TSC22D3: variants seen among roughly 807,000 people sequenced by gnomAD.
The protein encoded by TSC22D3 is TSC22 domain family member 3.
In TSC22D3, 4 loss-of-function variants were observed where a neutral mutation model predicts 11.1. That is an observed-to-expected ratio of 0.36 (90% confidence interval 0.18 to 0.83). TSC22D3 has a LOEUF of 0.83. Among genes scored for constraint, TSC22D3 ranks in the 40% least tolerant of loss-of-function variants. The pLI is 0.48. For synonymous variants in TSC22D3, 77 were observed against 70.3 expected, an observed-to-expected ratio of 1.10 and a Z score of -0.48; for missense variants, 118 against 159.4, an observed-to-expected ratio of 0.74 and a Z score of 1.40.
intron 1 of TSC22D3, among the ~76,000 whole-genome samples, chrX:107,748,754 C>T (rs956531942): frequency 8.9e-6 from 1 of 112,261 alleles, no homozygotes; most frequent in Non-Finnish European, 1.9e-5. Context: ...GCGGCCTTCA[C>T]AGGCTTTCCA....
chrX:107,760,962 CT>C (rs1280400516), intron 1 of TSC22D3, among the ~76,000 whole-genome samples: 3 of 111,601 alleles, frequency 2.7e-5, no homozygotes. Flanking sequence ...AAGAAGAGGA[CT>C]GGTGAGAGAA....
At chrX:107,722,891 G>A (rs752582543) in intron 1 of TSC22D3, among the ~76,000 whole-genome samples, 1 of 111,956 alleles carries the variant, frequency 8.9e-6, no homozygotes, top group African/African-American at 3.3e-5. Context: ...CAAAGCACAA[G>A]GCACATTTCA....
intron 1 of TSC22D3, chrX:107,716,838 C>A (rs1364012798): frequency 8.3e-7 from 1 of 1,207,582 alleles, no homozygotes; most frequent in Non-Finnish European, 1.1e-6. Flanking sequence ...AAGCTCTGGC[C>A]GGGTTTCGTG....
chrX:107,735,677 C>A (rs1167321674), intron 1 of TSC22D3, among the ~76,000 whole-genome samples: 1 of 110,159 alleles, frequency 9.1e-6, no homozygotes, highest in Non-Finnish European at 1.9e-5. Flanking sequence ...TCTGAGATGA[C>A]CTTGCCTTGC....
intron 1 of TSC22D3, among the ~76,000 whole-genome samples, chrX:107,736,897 G>A (rs1173601402): frequency 8.9e-6 from 1 of 111,780 alleles, no homozygotes; most frequent in East Asian, 2.8e-4. Context: ...TCAAGTATGT[G>A]TTGAGATAAA....
intron 1 of TSC22D3, among the ~76,000 whole-genome samples, chrX:107,764,694 G>A (rs1929585095): frequency 9.0e-6 from 1 of 111,571 alleles, no homozygotes; most frequent in Admixed American, 9.5e-5. Context: ...TCTCGTGGTA[G>A]CACCTTGACA....
intron 1 of TSC22D3, among the ~76,000 whole-genome samples, chrX:107,725,567 G>T: frequency 8.9e-6 from 1 of 111,797 alleles, no homozygotes; most frequent in Non-Finnish European, 1.9e-5. Flanking sequence ...TGACACATTC[G>T]GACGAGGCTT....
chrX:107,744,314 C>T, intron 1 of TSC22D3, among the ~76,000 whole-genome samples: 1 of 110,242 alleles, frequency 9.1e-6, no homozygotes. Flanking sequence ...GGGAGAAAAT[C>T]CATTAAAATA....
At chrX:107,717,251 C>CCT in intron 1 of TSC22D3, 1 of 191,783 alleles carries the variant, frequency 5.2e-6, no homozygotes, top group Non-Finnish European at 8.0e-6. Context: ...CCAAAGAAGG[C>CCT]TCTGGAGATC....
chrX:107,774,381 C>A (rs1221911885), intron 1 of TSC22D3, among the ~76,000 whole-genome samples: 1 of 110,874 alleles, frequency 9.0e-6, no homozygotes, highest in Non-Finnish European at 1.9e-5. Flanking sequence ...TTGACCGGTA[C>A]ACCAATACAC....
chrX:107,775,364 C>T lies in TSC22D3; in HGVS notation c.56G>A (p.Cys19Tyr). 8.3e-7 allele frequency: 1 copy of T among 1,206,062 alleles called. No individual in the cohort carries two copies. Among genetic ancestry groups the T allele is most frequent in the Non-Finnish European group, 1.1e-6 (1 of 892,584 alleles). Residue 19 changes from cysteine to tyrosine, a missense_variant, in exon 1 of 3, where the codon TGC (cysteine) becomes TAC (tyrosine). Coordinates refer to ENST00000372383, the MANE Select transcript of TSC22D3 (RefSeq NM_198057.3). Reference sequence around the variant, plus strand: ...ACTCCGATGGGCCAGGTCCAGGCAGCAGTTGCAGCAGTCGAGGCCGACAGG... The same window carrying T: ...ACTCCGATGGGCCAGGTCCAGGCAGTAGTTGCAGCAGTCGAGGCCGACAGG... ...RSPVGLDCCNCCLDLAHRSGL... is the reference protein window; with the variant it reads ...RSPVGLDCCNYCLDLAHRSGL...
chrX:107,774,480 C>T lies in TSC22D3; in HGVS notation c.320+620G>A, dbSNP rs190706089. Among the ~76,000 whole-genome samples the T allele has an allele frequency of 4.1e-3, 458 of 111,692 alleles. 2 individuals carry two copies. Among genetic ancestry groups the T allele is most frequent in the Admixed American group, 0.015 (157 of 10,585 alleles). ...TCCTAGGGTGCTCTCTGGGGTTGCG[C>T]TTAGCTTACATTTGAAATTTAACGC... On this transcript the variant is annotated intron_variant, in intron 1 of 2. Coordinates refer to ENST00000372383, the MANE Select transcript of TSC22D3 (RefSeq NM_198057.3).
At chrX:107,754,903 A>T (rs1929104252) in intron 1 of TSC22D3, among the ~76,000 whole-genome samples, 1 of 111,953 alleles carries the variant, frequency 8.9e-6, no homozygotes, top group South Asian at 3.7e-4. Flanking sequence ...CCACAAGCTT[A>T]GCGTTCCAAT....
At chrX:107,748,477 A>G (rs1252287454) in intron 1 of TSC22D3, among the ~76,000 whole-genome samples, 1 of 111,827 alleles carries the variant, frequency 8.9e-6, no homozygotes, top group East Asian at 2.8e-4. Context: ...TCCTTGGGTC[A>G]GCCCTTCCCA....
At chrX:107,721,355 C>T (rs780945068) in intron 1 of TSC22D3, among the ~76,000 whole-genome samples, 2 of 112,040 alleles carry the variant, frequency 1.8e-5, no homozygotes, top group South Asian at 3.7e-4. Flanking sequence ...GCCCTTCCTA[C>T]GTCAGGTTCC....
Position 107,775,370 on chromosome X carries a change from C to T in TSC22D3, c.50G>A (p.Cys17Tyr). 2 of 1,205,778 alleles carry T rather than the reference C, an allele frequency of 1.7e-6. No homozygotes were observed. Among genetic ancestry groups the T allele is most frequent in the Non-Finnish European group, 2.2e-6 (2 of 892,306 alleles). Residue 17 changes from cysteine (C) to tyrosine (Y), a missense_variant, in exon 1 of 3, where the codon TGC becomes TAC. Transcript: ENST00000372383. ...DCRSPVGLDC[C>Y]NCCLDLAHRS... Reference sequence around the variant, plus strand: ...ATGGGCCAGGTCCAGGCAGCAGTTGCAGCAGTCGAGGCCGACAGGTGAGCG... The same window carrying T: ...ATGGGCCAGGTCCAGGCAGCAGTTGTAGCAGTCGAGGCCGACAGGTGAGCG...
intron 1 of TSC22D3, among the ~76,000 whole-genome samples, chrX:107,745,330 C>A (rs924401409): frequency 8.9e-6 from 1 of 111,953 alleles, no homozygotes; most frequent in Admixed American, 9.4e-5. Flanking sequence ...GCAGTCTCCC[C>A]GAATCTGGCC....
intron 1 of TSC22D3, among the ~76,000 whole-genome samples, chrX:107,743,614 C>G (rs1928525205): frequency 8.9e-6 from 1 of 112,330 alleles, no homozygotes; most frequent in South Asian, 3.7e-4. Context: ...GCAGGGAGCA[C>G]TCTAGACCCC....
chrX:107,743,589 G>C (rs780110017), intron 1 of TSC22D3, among the ~76,000 whole-genome samples: 1 of 112,413 alleles, frequency 8.9e-6, no homozygotes, highest in East Asian at 2.8e-4. Context: ...AGGATGGCCA[G>C]GATGCTTGTG....
Sources: allele counts gnomAD v4.1 joint callset (sites outside exome capture counted in the v4.1 genomes callset), GRCh38; gene constraint gnomAD v4.1.1; transcripts MANE v1.5; gene names NCBI Gene and HGNC (gene_info 2026-07-23, HGNC 2026-07-21).